PITPNC1: variants seen among roughly 807,000 people sequenced by gnomAD.
PITPNC1 encodes the protein phosphatidylinositol transfer protein cytoplasmic 1.
In PITPNC1, 18 loss-of-function variants were observed where a neutral mutation model predicts 44.7. That is an observed-to-expected ratio of 0.40 (90% confidence interval 0.28 to 0.60). The LOEUF (loss-of-function observed/expected upper bound fraction) is 0.60, where lower values mean the gene tolerates loss of function less well. Ranked by LOEUF, PITPNC1 falls within the 20% of genes least tolerant of loss-of-function variation. PITPNC1 has a pLI of 0.39. For synonymous variants in PITPNC1, 141 were observed against 149.6 expected (o/e 0.94, Z 0.42); for missense variants, 290 against 418.4 (o/e 0.69, Z 2.68).
chr17:67,576,588 T>C (rs1422787959), intron 4 of PITPNC1, among the ~76,000 whole-genome samples: 1 of 152,126 alleles, frequency 6.6e-6, no homozygotes, highest in East Asian at 1.9e-4. Context: ...ATCCCATCTC[T>C]GGTGGCCAAG....
chr17:67,675,484 C>T lies in PITPNC1; in HGVS notation c.624C>T (p.Val208=). 1 of 1,607,152 alleles carries T rather than the reference C, an allele frequency of 6.2e-7. No homozygotes were observed. The change falls in exon 8 of 9, where the codon GTC becomes GTT. Residue 208 remains valine, a synonymous_variant. Coordinates refer to ENST00000581322, the MANE Select transcript of PITPNC1 (RefSeq NM_012417.4). ...TRVEQFVHKV[V]RDILLIGHRQ... is the part of the protein sequence containing the mutation. ...CTCCTTCTTTTACTTTTTAGGTGGT[C>T]CGAGACATTCTGCTGATTGGACATA... is the stretch of plus-strand genomic sequence containing the variant.
intron 8 of PITPNC1, among the ~76,000 whole-genome samples, chr17:67,678,846 T>TCATGGAAA (rs145754268): frequency 1.1e-4 from 17 of 152,306 alleles, no homozygotes; most frequent in African/African-American, 2.9e-4. Flanking sequence ...AGTGAGACTC[T>TCATGGAAA]CATGGAAACA....
In PITPNC1 at chr17:67,645,158, C is replaced by T. The variant is rs140616036; in HGVS notation, c.462+12920C>T. Among the ~76,000 whole-genome samples, 431 of 151,982 alleles carry T rather than the reference C, an allele frequency of 2.8e-3. 2 individuals are homozygous for T. Among genetic ancestry groups the T allele is most frequent in the African/African-American group, 9.8e-3 (406 of 41,454 alleles). ...GAGTTTGAGACCAGCCTGACCAACA[C>T]GGAGAAACCGCATCTCTACTAAAAA... On this transcript the variant is annotated intron_variant, in intron 6 of 8. Transcript: ENST00000581322.
chr17:67,634,262 A>G (rs2042005228), intron 6 of PITPNC1, among the ~76,000 whole-genome samples: 1 of 152,160 alleles, frequency 6.6e-6, no homozygotes, highest in Non-Finnish European at 1.5e-5. Flanking sequence ...TGGAGTCCTC[A>G]CTGAGTGTCA....
intron 4 of PITPNC1, among the ~76,000 whole-genome samples, chr17:67,577,804 G>T (rs2041170141): frequency 6.6e-6 from 1 of 152,086 alleles, no homozygotes; most frequent in African/African-American, 2.4e-5. Flanking sequence ...ATTAAGGCTG[G>T]GTCCCCAGGA....
At chr17:67,478,271 C>T (rs2039657921) in intron 1 of PITPNC1, among the ~76,000 whole-genome samples, 4 of 152,172 alleles carry the variant, frequency 2.6e-5, no homozygotes, top group Admixed American at 2.6e-4. Context: ...CACTCTTCAC[C>T]AGCAAAGGCT....
intron 4 of PITPNC1, 80 bp downstream of exon 4, chr17:67,553,697 T>C: frequency 3.8e-6 from 2 of 521,376 alleles, no homozygotes; most frequent in Non-Finnish European, 6.7e-6. Flanking sequence ...TTACTTGTCT[T>C]ATCAATGTAA....
rs371660087 is a variant in PITPNC1, at chr17:67,558,287, A to G, written c.294+4670A>G. ...AAAACATCTTTAGCTTGCTTATGGG[A>G]AAAAAAAAACACTTAATTATACAGT... On this transcript the variant is annotated intron_variant, in intron 4 of 8. Coordinates refer to ENST00000581322, the MANE Select transcript of PITPNC1 (RefSeq NM_012417.4). Among the ~76,000 whole-genome samples the G allele has an allele frequency of 4.8e-5, 7 of 146,576 alleles. No homozygotes were observed. In the South Asian group the frequency reaches 6.5e-4, roughly 14 times the overall value.
At chr17:67,474,491 G>A (rs1472391377) in intron 1 of PITPNC1, among the ~76,000 whole-genome samples, 1 of 151,998 alleles carries the variant, frequency 6.6e-6, no homozygotes, top group Non-Finnish European at 1.5e-5. Context: ...AGCATCCCTG[G>A]CCTCTACCCT....
chr17:67,472,376 G>A lies in PITPNC1; in HGVS notation c.49-60426G>A, dbSNP rs564133413. Among the ~76,000 whole-genome samples, 50 of 145,148 alleles carry A rather than the reference G, an allele frequency of 3.4e-4. No homozygotes were observed. In the South Asian group the frequency reaches 9.5e-3, roughly 28 times the overall value. On this transcript the variant is annotated intron_variant, in intron 1 of 8. Coordinates refer to ENST00000581322, the MANE Select transcript of PITPNC1 (RefSeq NM_012417.4). Reference sequence around the variant, plus strand: ...AAAAAAAAAAAAAAGGACCGGGTGCGGTGGCTCACACCTGTAATCCCAACA... The same window carrying A: ...AAAAAAAAAAAAAAGGACCGGGTGCAGTGGCTCACACCTGTAATCCCAACA...
At chr17:67,573,934 AAT>A (rs1334072518) in intron 4 of PITPNC1, among the ~76,000 whole-genome samples, 16 of 152,222 alleles carry the variant, frequency 1.1e-4, no homozygotes, top group African/African-American at 3.9e-4. Flanking sequence ...TGGGGGAAGA[AAT>A]AGGATCAAGG....
intron 1 of PITPNC1, among the ~76,000 whole-genome samples, chr17:67,405,416 CAA>C (rs11288377): frequency 1.5e-5 from 2 of 133,356 alleles, no homozygotes; most frequent in Admixed American, 7.6e-5. Context: ...GACCCTGTCT[CAA>C]AAAAAAAAAA....
intron 1 of PITPNC1, among the ~76,000 whole-genome samples, chr17:67,466,123 C>T (rs2039423594): frequency 6.9e-6 from 1 of 144,080 alleles, no homozygotes; most frequent in Admixed American, 7.6e-5. Flanking sequence ...ACCTTAGCCT[C>T]CTGAGTAGCT....
chr17:67,678,518 C>T (rs9891062), intron 8 of PITPNC1, among the ~76,000 whole-genome samples: 1,978 of 152,116 alleles, frequency 0.013, 40 homozygotes, highest in African/African-American at 0.046. Flanking sequence ...AAACAAGCAG[C>T]CTTTTCACTC....
intron 6 of PITPNC1, among the ~76,000 whole-genome samples, chr17:67,644,691 CT>C: frequency 6.6e-6 from 1 of 152,150 alleles, no homozygotes; most frequent in East Asian, 1.9e-4. Context: ...CGCCAAAGTG[CT>C]GGGATTACAG....
intron 1 of PITPNC1, among the ~76,000 whole-genome samples, chr17:67,443,036 G>A (rs1262394212): frequency 2.6e-5 from 4 of 151,918 alleles, no homozygotes; most frequent in Admixed American, 6.6e-5. Context: ...CCTAACAGAC[G>A]ACCAGTGATC....
intron 4 of PITPNC1, among the ~76,000 whole-genome samples, chr17:67,573,564 T>C (rs1445042916): frequency 1.4e-5 from 2 of 145,786 alleles, no homozygotes; most frequent in African/African-American, 2.6e-5. Context: ...CTCTTTTTTT[T>C]TTTTTTTTTT....
At chr17:67,484,303 T>C (rs2039746510) in intron 1 of PITPNC1, among the ~76,000 whole-genome samples, 1 of 152,196 alleles carries the variant, frequency 6.6e-6, no homozygotes, top group African/African-American at 2.4e-5. Context: ...TGGTTCCTAC[T>C]CTCTAACTTT....
intron 6 of PITPNC1, among the ~76,000 whole-genome samples, chr17:67,659,374 T>A (rs1288621154): frequency 6.6e-6 from 1 of 152,194 alleles, no homozygotes; most frequent in African/African-American, 2.4e-5. Flanking sequence ...TCAGCTGAGA[T>A]GGCTGGAGCA....
Sources: allele counts gnomAD v4.1 joint callset (sites outside exome capture counted in the v4.1 genomes callset), GRCh38; gene constraint gnomAD v4.1.1; transcripts MANE v1.5; gene names NCBI Gene and HGNC (gene_info 2026-07-23, HGNC 2026-07-21).